FSTL5: variants seen among roughly 807,000 people sequenced by gnomAD.
FSTL5 encodes follistatin like 5, also known as follistatin-related protein 5.
A neutral mutation model predicts 89.1 loss-of-function variants in FSTL5; 62 were observed. That is an observed-to-expected ratio of 0.70 (90% CI 0.57 to 0.86). FSTL5 has a LOEUF of 0.86. Ranked by LOEUF, FSTL5 falls within the 40% of genes least tolerant of loss-of-function variation. The probability of loss-of-function intolerance (pLI) is 0.00; values close to 1 mark genes in which losing one functional copy is unlikely to be tolerated. For missense variants in FSTL5, 1,057 were observed against 1,001.6 expected (o/e 1.06, Z -0.75); for synonymous variants, 383 against 346.2 (o/e 1.11, Z -1.18).
intron 10 of FSTL5, among the ~76,000 whole-genome samples, chr4:161,526,791 G>C (rs527987909): frequency 8.5e-5 from 13 of 152,206 alleles, no homozygotes; most frequent in African/African-American, 2.9e-4. Context: ...GCTCTGTTCT[G>C]TTCCATTGAT....
chr4:162,091,368 G>C (rs149012230), intron 2 of FSTL5, among the ~76,000 whole-genome samples: 151 of 152,144 alleles, frequency 9.9e-4, no homozygotes, highest in African/African-American at 3.5e-3. Context: ...CCTCGGATAG[G>C]CATCTCACTT....
chr4:161,769,945 A>G (rs1741150295), intron 5 of FSTL5, among the ~76,000 whole-genome samples: 2 of 152,020 alleles, frequency 1.3e-5, no homozygotes, highest in Non-Finnish European at 2.9e-5. Flanking sequence ...ACAATAGCCA[A>G]GATTTGGAAG....
At chr4:161,948,350 T>C (rs937581199) in intron 3 of FSTL5, among the ~76,000 whole-genome samples, 14 of 151,660 alleles carry the variant, frequency 9.2e-5, no homozygotes, top group African/African-American at 3.1e-4. Flanking sequence ...TACAGCTTTT[T>C]AAATTATTGT....
chr4:161,922,762 C>A (rs1002320917), intron 3 of FSTL5, among the ~76,000 whole-genome samples: 1 of 151,812 alleles, frequency 6.6e-6, no homozygotes, highest in Non-Finnish European at 1.5e-5. Flanking sequence ...ATGCTATCAT[C>A]AAAACCTTAT....
chr4:161,893,128 T>A (rs1733041733), intron 4 of FSTL5, among the ~76,000 whole-genome samples: 1 of 152,160 alleles, frequency 6.6e-6, no homozygotes, highest in Non-Finnish European at 1.5e-5. Context: ...CTTCTGCTTT[T>A]GTGATCAAGT....
chr4:161,494,251 A>T (rs887651434), intron 12 of FSTL5, among the ~76,000 whole-genome samples: 3 of 152,024 alleles, frequency 2.0e-5, no homozygotes, highest in Non-Finnish European at 4.4e-5. Flanking sequence ...CACCCTGAGA[A>T]AAAAAAATAA....
chr4:161,449,937 T>C (rs147567287), intron 15 of FSTL5, among the ~76,000 whole-genome samples: 163 of 152,308 alleles, frequency 1.1e-3, no homozygotes, highest in Middle Eastern at 3.4e-3. Context: ...TAGGAAAGAC[T>C]TCTGCTAATT....
chr4:161,632,123 G>A (rs1735523490), intron 7 of FSTL5, among the ~76,000 whole-genome samples: 1 of 152,184 alleles, frequency 6.6e-6, no homozygotes, highest in East Asian at 1.9e-4. Flanking sequence ...GCTCACACCT[G>A]TAATCCCAGC....
intron 2 of FSTL5, among the ~76,000 whole-genome samples, chr4:162,091,314 C>G (rs1355632082): frequency 6.6e-6 from 1 of 152,116 alleles, no homozygotes. Flanking sequence ...CTGCTACACA[C>G]TTACATAAAT....
At chr4:161,719,642 G>C (rs975235329) in intron 6 of FSTL5, among the ~76,000 whole-genome samples, 1 of 151,958 alleles carries the variant, frequency 6.6e-6, no homozygotes, top group South Asian at 2.1e-4. Context: ...ATGTGTGTCC[G>C]CTTTGATCTC....
At chr4:162,095,495 A>C (rs749702587) in intron 2 of FSTL5, among the ~76,000 whole-genome samples, 3 of 152,096 alleles carry the variant, frequency 2.0e-5, no homozygotes, top group Non-Finnish European at 4.4e-5. Context: ...TGGAGCAATG[A>C]ATGTCGAATC....
intron 7 of FSTL5, among the ~76,000 whole-genome samples, chr4:161,625,815 AAC>A (rs1048447930): frequency 1.3e-5 from 2 of 152,162 alleles, no homozygotes; most frequent in African/African-American, 2.4e-5. Flanking sequence ...AATTTCAATA[AAC>A]ACACAAAAAA....
intron 3 of FSTL5, among the ~76,000 whole-genome samples, chr4:161,935,171 C>T (rs553007044): frequency 5.3e-5 from 8 of 152,116 alleles, no homozygotes; most frequent in East Asian, 3.9e-4. Context: ...CTATTTAGCA[C>T]GAGAGCTCTT....
At chr4:161,446,733 C>T (rs145063551) in intron 15 of FSTL5, among the ~76,000 whole-genome samples, 223 of 152,100 alleles carry the variant, frequency 1.5e-3, no homozygotes, top group African/African-American at 5.3e-3. Flanking sequence ...TAAGAAAATG[C>T]TTAAATTCTC....
chr4:161,782,470 G>C (rs1289787298), intron 4 of FSTL5, among the ~76,000 whole-genome samples: 1 of 152,092 alleles, frequency 6.6e-6, no homozygotes, highest in African/African-American at 2.4e-5. Context: ...TTCTGTTTTA[G>C]AGCGGATTAT....
At chr4:162,134,716 T>C (rs929615740) in intron 1 of FSTL5, among the ~76,000 whole-genome samples, 5 of 152,196 alleles carry the variant, frequency 3.3e-5, no homozygotes, top group African/African-American at 1.2e-4. Context: ...GGAGGAGTTG[T>C]TTTAATAGAA....
intron 13 of FSTL5, among the ~76,000 whole-genome samples, chr4:161,470,590 A>T (rs1733901840): frequency 6.6e-6 from 1 of 151,654 alleles, no homozygotes; most frequent in African/African-American, 2.4e-5. Flanking sequence ...AAGATTCCAT[A>T]TGAATTTTAA....
intron 12 of FSTL5, among the ~76,000 whole-genome samples, chr4:161,495,665 C>T (rs945767458): frequency 6.6e-6 from 1 of 152,076 alleles, no homozygotes; most frequent in Admixed American, 6.6e-5. Context: ...ATACCATTTT[C>T]TGAGAGATTT....
chr4:161,666,735 A>C lies in FSTL5; in HGVS notation c.728-10241T>G, dbSNP rs144024557. Among the ~76,000 whole-genome samples, 109 of 152,274 alleles carry C rather than the reference A, an allele frequency of 7.2e-4. 1 individual carries two copies. In the East Asian group the frequency reaches 0.019, roughly 26 times the overall value. ...AAATAATCTGGAGTTTATTCTGAGGAAAAGGGGCCAGTAGAAAGAAAAGTT... is the reference window on the plus strand; with the variant it reads ...AAATAATCTGGAGTTTATTCTGAGGCAAAGGGGCCAGTAGAAAGAAAAGTT... On this transcript the variant is annotated intron_variant, in intron 6 of 15. Transcript: ENST00000306100.
Sources: gnomAD v4.1 joint callset for allele counts (sites outside exome capture counted in the v4.1 genomes callset) on GRCh38, gnomAD v4.1.1 for gene constraint, MANE v1.5 for transcripts, NCBI Gene and HGNC (gene_info 2026-07-23, HGNC 2026-07-21) for gene names.